The following ARHGAP6 variants were observed in gnomAD, a reference collection of about 807,000 sequenced individuals.
ARHGAP6 encodes the protein Rho GTPase activating protein 6.
In ARHGAP6, 16 loss-of-function variants were observed where a neutral mutation model predicts 55.7. That is an observed-to-expected ratio of 0.29 (90% CI 0.19 to 0.44). The LOEUF is 0.44. Among genes scored for constraint, ARHGAP6 ranks in the 20% least tolerant of loss-of-function variants. ARHGAP6 has a pLI of 1.00. For missense variants in ARHGAP6, 698 were observed against 808.9 expected (o/e 0.86, Z 1.66); for synonymous variants, 382 against 360.9 (o/e 1.06, Z -0.66).
At chrX:11,179,922 A>G (rs2046292260) in intron 6 of ARHGAP6, among the ~76,000 whole-genome samples, 1 of 109,262 alleles carries the variant, frequency 9.2e-6, no homozygotes, top group Non-Finnish European at 1.9e-5. Context: ...GGAGGGAGGA[A>G]TTAATCTATT....
intron 1 of ARHGAP6, among the ~76,000 whole-genome samples, chrX:11,317,510 A>T (rs912969414): frequency 1.8e-5 from 2 of 112,373 alleles, no homozygotes; most frequent in African/African-American, 3.2e-5. Context: ...GCACTGCAGG[A>T]AAAAGGTCAA....
At chrX:11,146,311 G>A (rs1479714333) in intron 10 of ARHGAP6, among the ~76,000 whole-genome samples, 1 of 112,404 alleles carries the variant, frequency 8.9e-6, no homozygotes, top group East Asian at 2.8e-4. Flanking sequence ...CCACAGCTGG[G>A]CCCTCCATCA....
chrX:11,491,972 A>G (rs151000047), intron 1 of ARHGAP6, among the ~76,000 whole-genome samples: 2,912 of 103,882 alleles, frequency 0.028, 114 homozygotes, highest in East Asian at 0.086. Context: ...CAGTGATGGT[A>G]AGCATTTTTT....
intron 1 of ARHGAP6, among the ~76,000 whole-genome samples, chrX:11,343,286 G>A (rs1265547663): frequency 1.8e-5 from 2 of 112,317 alleles, no homozygotes; most frequent in Non-Finnish European, 3.8e-5. Flanking sequence ...GTAGAGAGCT[G>A]TGCATTCATA....
At chrX:11,337,439 C>T (rs1363490407) in intron 1 of ARHGAP6, among the ~76,000 whole-genome samples, 1 of 111,714 alleles carries the variant, frequency 9.0e-6, no homozygotes, top group Non-Finnish European at 1.9e-5. Flanking sequence ...TTACTCTGTC[C>T]CACTTTCTCC....
At chrX:11,616,586 G>A (rs911042443) in intron 1 of ARHGAP6, among the ~76,000 whole-genome samples, 8 of 111,254 alleles carry the variant, frequency 7.2e-5, no homozygotes, top group African/African-American at 2.0e-4. Flanking sequence ...CCTCAGCCTC[G>A]CAAAGTGCTA....
At chrX:11,533,194 T>C (rs976830186) in intron 1 of ARHGAP6, among the ~76,000 whole-genome samples, 2 of 111,016 alleles carry the variant, frequency 1.8e-5, no homozygotes, top group Non-Finnish European at 3.8e-5. Flanking sequence ...GGGACAACTT[T>C]TCAGTAACAT....
At chrX:11,314,352 G>A (rs777884885) in intron 1 of ARHGAP6, among the ~76,000 whole-genome samples, 12 of 111,989 alleles carry the variant, frequency 1.1e-4, no homozygotes, top group African/African-American at 3.6e-4. Context: ...GTCCCAAATT[G>A]ATCATAACAG....
intron 2 of ARHGAP6, among the ~76,000 whole-genome samples, chrX:11,252,380 A>T (rs368571304): frequency 8.9e-6 from 1 of 112,214 alleles, no homozygotes; most frequent in East Asian, 2.8e-4. Context: ...TATTAAAGGG[A>T]GACAAAACTC....
intron 1 of ARHGAP6, among the ~76,000 whole-genome samples, chrX:11,340,727 T>TC (rs1555993290): frequency 1.0e-5 from 1 of 96,729 alleles, no homozygotes. Flanking sequence ...AGACTCCGTC[T>TC]AAAAAAAAAA....
At chrX:11,471,964 C>A (rs1166444378) in intron 1 of ARHGAP6, among the ~76,000 whole-genome samples, 1 of 112,058 alleles carries the variant, frequency 8.9e-6, no homozygotes, top group African/African-American at 3.2e-5. Flanking sequence ...TTTTGATCAC[C>A]AACTCTGACC....
chrX:11,534,824 G>T (rs750587637), intron 1 of ARHGAP6, among the ~76,000 whole-genome samples: 4 of 111,497 alleles, frequency 3.6e-5, no homozygotes, highest in African/African-American at 1.3e-4. Context: ...CAATGATATA[G>T]TTTACATTTT....
chrX:11,480,336 C>CA (rs770809593), intron 1 of ARHGAP6, among the ~76,000 whole-genome samples: 48 of 109,921 alleles, frequency 4.4e-4, no homozygotes, highest in Non-Finnish European at 7.4e-4. Flanking sequence ...AGCCAGAAAC[C>CA]AAAAAAAATC....
intron 1 of ARHGAP6, among the ~76,000 whole-genome samples, chrX:11,356,254 G>A (rs1245392149): frequency 9.2e-6 from 1 of 109,085 alleles, no homozygotes; most frequent in Non-Finnish European, 1.9e-5. Context: ...CACACACCGG[G>A]GCCTGTTGGG....
At chrX:11,457,791 C>T (rs1424607373) in intron 1 of ARHGAP6, among the ~76,000 whole-genome samples, 3 of 111,932 alleles carry the variant, frequency 2.7e-5, no homozygotes. Context: ...TGGGACATTT[C>T]TGAATTGTGT....
At chrX:11,657,747 A>T (rs1172491206) in intron 1 of ARHGAP6, among the ~76,000 whole-genome samples, 15 of 86,017 alleles carry the variant, frequency 1.7e-4, no homozygotes, top group Non-Finnish European at 3.8e-4. Flanking sequence ...AGACAATAGG[A>T]GGGACAATGA....
intron 10 of ARHGAP6, among the ~76,000 whole-genome samples, chrX:11,154,239 A>G (rs1276042609): frequency 2.7e-5 from 3 of 111,539 alleles, no homozygotes; most frequent in African/African-American, 9.8e-5. Flanking sequence ...GTTGGTTCCA[A>G]GTCTTTGCTA....
intron 11 of ARHGAP6, 27 bp from the exon 12 acceptor site, chrX:11,142,340 T>C: frequency 9.4e-7 from 1 of 1,062,813 alleles, no homozygotes; most frequent in Non-Finnish European, 1.3e-6. Flanking sequence ...TAAAAAGGTA[T>C]ATAACACAAA....
At chrX:11,285,075 A>G (rs112117237) in intron 1 of ARHGAP6, among the ~76,000 whole-genome samples, 2,481 of 111,022 alleles carry the variant, frequency 0.022, 32 homozygotes, top group Middle Eastern at 0.074. Context: ...TGGTCAGATA[A>G]TGAATTCGAG....
Sources: allele counts gnomAD v4.1 joint callset (sites outside exome capture counted in the v4.1 genomes callset), GRCh38; gene constraint gnomAD v4.1.1; transcripts MANE v1.5; gene names NCBI Gene and HGNC (gene_info 2026-07-23, HGNC 2026-07-21).